STK32B: variants seen among roughly 807,000 people sequenced by gnomAD.
STK32B encodes the protein serine/threonine kinase 32B, also known as serine/threonine-protein kinase 32B.
A neutral mutation model predicts 52.6 loss-of-function variants in STK32B; 43 were observed. The observed-to-expected ratio is 0.82, with a 90% CI of 0.64 to 1.05. The LOEUF is 1.05. STK32B is among the 50% of genes least tolerant of loss of function. The pLI, the probability that STK32B is intolerant of heterozygous loss-of-function variation, is 0.00. For synonymous variants in STK32B, 238 were observed against 204.3 expected (o/e 1.17, Z -1.41); for missense variants, 621 against 534.6 (o/e 1.16, Z -1.59).
At chr4:5,100,883 T>C (rs1346693658) in intron 1 of STK32B, among the ~76,000 whole-genome samples, 1 of 151,198 alleles carries the variant, frequency 6.6e-6, no homozygotes, top group Non-Finnish European at 1.5e-5. Context: ...CCTTCCTTCC[T>C]TCTTCCTTTC....
intron 2 of STK32B, among the ~76,000 whole-genome samples, chr4:5,162,929 T>C (rs1179864220): frequency 6.6e-6 from 1 of 152,190 alleles, no homozygotes; most frequent in African/African-American, 2.4e-5. Flanking sequence ...TTTCAGCAGA[T>C]CCCTCAATCA....
chr4:5,146,731 T>C (rs1181024496), intron 2 of STK32B, among the ~76,000 whole-genome samples: 2 of 152,224 alleles, frequency 1.3e-5, no homozygotes, highest in Admixed American at 1.3e-4. Flanking sequence ...AAAAATTAGA[T>C]GATTTGTATG....
chr4:5,270,390 G>A (rs1265655994), intron 3 of STK32B, among the ~76,000 whole-genome samples: 1 of 152,122 alleles, frequency 6.6e-6, no homozygotes, highest in Non-Finnish European at 1.5e-5. Flanking sequence ...TCTTCTGCCT[G>A]CTTTTATTCA....
At chr4:5,187,056 A>C (rs1274226893) in intron 3 of STK32B, among the ~76,000 whole-genome samples, 2 of 152,320 alleles carry the variant, frequency 1.3e-5, no homozygotes, top group East Asian at 3.9e-4. Context: ...GGGAAAACAC[A>C]GCTGGGCTTG....
intron 1 of STK32B, among the ~76,000 whole-genome samples, chr4:5,138,311 A>G (rs767141492): frequency 2.0e-5 from 3 of 152,230 alleles, no homozygotes; most frequent in Non-Finnish European, 4.4e-5. Flanking sequence ...TAAGTTTAAT[A>G]TACAAGGAAC....
At chr4:5,397,477 G>C (rs1373676905) in intron 4 of STK32B, among the ~76,000 whole-genome samples, 1 of 152,176 alleles carries the variant, frequency 6.6e-6, no homozygotes, top group Non-Finnish European at 1.5e-5. Context: ...CTATAATGGT[G>C]ATGTAGAGAA....
intron 7 of STK32B, among the ~76,000 whole-genome samples, chr4:5,454,361 A>C (rs894091674): frequency 6.6e-6 from 1 of 152,096 alleles, no homozygotes; most frequent in African/African-American, 2.4e-5. Context: ...GTTCCTCCTG[A>C]GGCTGAGGGA....
intron 2 of STK32B, among the ~76,000 whole-genome samples, chr4:5,158,461 G>A (rs952854448): frequency 6.6e-6 from 1 of 152,068 alleles, no homozygotes; most frequent in African/African-American, 2.4e-5. Context: ...TCCCCACCCC[G>A]AAGGCAAATT....
chr4:5,394,638 A>G lies in STK32B; in HGVS notation c.435-3569A>G, dbSNP rs1231232161. On this transcript the variant is annotated intron_variant, in intron 4 of 11. Coordinates refer to ENST00000282908, the MANE Select transcript of STK32B (RefSeq NM_018401.3). The surrounding 1 kb of genome is among the most constrained non-coding windows in gnomAD (Gnocchi z 4.2). ...TGAGTTCTCCCTAGCTCCTTTTGAA[A>G]GAGCAATGACAGTCCCATCACTGTG... 1.3e-5 allele frequency among the ~76,000 whole-genome samples: 2 copies of G among 152,240 alleles called. No homozygotes were observed. The highest frequency in any genetic ancestry group is 4.8e-5 in the African/African-American group (2 of 41,468).
chr4:5,032,606 C>T, the STK32B span, among the ~76,000 whole-genome samples: 6 of 151,712 alleles, frequency 4.0e-5, no homozygotes, highest in African/African-American at 1.5e-4. Context: ...TATTATTTTC[C>T]CCCATACCTA....
chr4:5,140,357 G>A, intron 2 of STK32B: 1 of 1,176,666 alleles, frequency 8.5e-7, no homozygotes, highest in Non-Finnish European at 1.1e-6. Flanking sequence ...AGGTATAGAA[G>A]GCTAGGAGAA....
intron 3 of STK32B, among the ~76,000 whole-genome samples, chr4:5,244,107 G>C (rs1456191331): frequency 1.3e-5 from 2 of 152,142 alleles, no homozygotes; most frequent in Non-Finnish European, 2.9e-5. Flanking sequence ...ATGAGTTAGG[G>C]AGGATTCTGT....
intron 3 of STK32B, among the ~76,000 whole-genome samples, chr4:5,215,506 C>T (rs946043199): frequency 2.0e-5 from 3 of 152,146 alleles, no homozygotes; most frequent in African/African-American, 7.2e-5. Context: ...CCAATAGAGG[C>T]AGTGTCTCCT....
At chr4:5,240,545 C>T (rs1037368261) in intron 3 of STK32B, among the ~76,000 whole-genome samples, 3 of 152,030 alleles carry the variant, frequency 2.0e-5, no homozygotes, top group East Asian at 3.9e-4. Flanking sequence ...CTGCAACCTC[C>T]GCCTCCCGGG....
At chr4:5,401,818 A>C (rs2009157) in intron 5 of STK32B, among the ~76,000 whole-genome samples, 17,435 of 152,224 alleles carry the variant, frequency 0.11, 1,713 homozygotes, top group African/African-American at 0.27. Flanking sequence ...AAATCGCATA[A>C]ACAAAAAACA....
At chr4:5,494,606 G>A (rs1026299186) in intron 11 of STK32B, among the ~76,000 whole-genome samples, 1 of 152,162 alleles carries the variant, frequency 6.6e-6, no homozygotes, top group Non-Finnish European at 1.5e-5. Context: ...GTGTGAATTT[G>A]ATCCTGTCAT....
At chr4:5,053,546 T>C (rs1741872486) in intron 1 of STK32B, among the ~76,000 whole-genome samples, 2 of 152,194 alleles carry the variant, frequency 1.3e-5, no homozygotes, top group South Asian at 4.2e-4. Context: ...ACCGTCTCTG[T>C]CATTTATCCC....
rs1332133091 is a variant in STK32B at position 5,446,542 on chromosome 4, G to T, written c.563-131G>T. The T allele has an allele frequency of 6.7e-6, 5 of 741,074 alleles. No homozygotes were observed. In the Admixed American group the frequency reaches 1.1e-4, roughly 16 times the overall value. 45.9% of individuals were successfully genotyped at this position (741,074 alleles called of 1,614,324 possible). A position where few individuals can be genotyped will look rare whatever the true frequency, so the allele number is the denominator to read the frequency against. ...ATTATGTGCCAGCCTGGGCAGCAGA[G>T]CAAAACTCTATCTCAAAAAAAAACA... On this transcript the variant is annotated intron_variant, in intron 6 of 11. Coordinates refer to ENST00000282908, the MANE Select transcript of STK32B (RefSeq NM_018401.3).
rs1736239187 is a variant in STK32B at position 5,386,113 on chromosome 4, C to T, written c.435-12094C>T. Among the ~76,000 whole-genome samples, 1 of 151,670 alleles carries T rather than the reference C, an allele frequency of 6.6e-6. No individual in the cohort carries two copies. Among genetic ancestry groups the T allele is most frequent in the Admixed American group, 6.6e-5 (1 of 15,196 alleles). On this transcript the variant is annotated intron_variant, in intron 4 of 11. Coordinates refer to ENST00000282908, the MANE Select transcript of STK32B (RefSeq NM_018401.3). The surrounding 1 kb of genome is among the most constrained non-coding windows in gnomAD (Gnocchi z 4.5). ...TGCAGAGCTCCACCCACAGGCCCCA[C>T]CCACAGCTCTTGGCCCACAGTTCCT... is the stretch of plus-strand genomic sequence containing the variant.
Sources: allele counts gnomAD v4.1 joint callset (sites outside exome capture counted in the v4.1 genomes callset), GRCh38; gene constraint gnomAD v4.1.1; non-coding constraint Gnocchi (gnomAD v3.1); transcripts MANE v1.5; gene names NCBI Gene and HGNC (gene_info 2026-07-23, HGNC 2026-07-21).